Variants in BORCS8 observed in about 807,000 individuals in gnomAD.
The protein encoded by BORCS8 is BLOC-1 related complex subunit 8, also known as BLOC-1-related complex subunit 8.
In BORCS8, 13 loss-of-function variants were observed where a neutral mutation model predicts 18.7. The observed-to-expected ratio is 0.70, with a 90% CI of 0.45 to 1.11. The LOEUF is 1.11. Among genes scored for constraint, BORCS8 ranks in the 50% least tolerant of loss-of-function variants. The pLI is 0.00. For missense variants in BORCS8, 165 were observed against 165.7 expected, an observed-to-expected ratio of 1.00 and a Z score of 0.02; for synonymous variants, 68 against 64.8, an observed-to-expected ratio of 1.05 and a Z score of -0.24.
chr19:19,179,277 C>T (rs1768938398), intron 5 of BORCS8: 1 of 152,728 alleles, frequency 6.5e-6, no homozygotes, highest in Admixed American at 6.6e-5. Flanking sequence ...CCTCCTGCTT[C>T]AGGCCCCCTG....
chr19:19,181,211 G>A (rs2060346126), intron 4 of BORCS8, among the ~76,000 whole-genome samples: 2 of 147,432 alleles, frequency 1.4e-5, no homozygotes, highest in Non-Finnish European at 3.0e-5. Context: ...AAAAAAAAGG[G>A]ACAAATGGCT....
intron 3 of BORCS8, among the ~76,000 whole-genome samples, chr19:19,184,594 G>A (rs1445625298): frequency 2.6e-5 from 4 of 151,852 alleles, no homozygotes; most frequent in South Asian, 2.1e-4. Context: ...GAGCCACCGC[G>A]CCCGGTCTGT....
At chr19:19,180,798 G>A (rs1006829884) in intron 4 of BORCS8, 37 bp from the exon 5 acceptor site, 18 of 1,526,420 alleles carry the variant, frequency 1.2e-5, no homozygotes, top group Admixed American at 8.3e-5. Context: ...TGAGGCCAAG[G>A]TCAGAGGCCA....
intron 1 of BORCS8, among the ~76,000 whole-genome samples, chr19:19,191,582 T>TA: frequency 7.0e-6 from 1 of 142,188 alleles, no homozygotes; most frequent in African/African-American, 2.6e-5. Flanking sequence ...GGTTGTTGAG[T>TA]TTTTTTTTTT....
intron 1 of BORCS8, among the ~76,000 whole-genome samples, chr19:19,191,072 G>A (rs1171666666): frequency 1.3e-5 from 2 of 152,144 alleles, no homozygotes; most frequent in African/African-American, 4.8e-5. Context: ...TAGGGGATTA[G>A]CTGGGTGCAG....
chr19:19,191,973 G>A (rs1340744682), intron 1 of BORCS8, 108 bp downstream of exon 1: 13 of 1,307,018 alleles, frequency 9.9e-6, no homozygotes, highest in South Asian at 1.3e-5. Flanking sequence ...GGGATTGGAC[G>A]GCAGTTCAAT....
At chr19:19,183,557 G>A (rs188021083) in intron 3 of BORCS8, among the ~76,000 whole-genome samples, 6 of 152,206 alleles carry the variant, frequency 3.9e-5, no homozygotes, top group African/African-American at 1.2e-4. Context: ...TGTGGCTAGC[G>A]GGACTTGGGA....
Position 19,182,150 on chromosome 19 carries a change from G to T in BORCS8, c.326+423C>A. ...CACTCCCAGGGATCCCAGCCCCAGAGCGTCTGCCCTCACCACTGCCCCACA... is the reference window on the plus strand; with the variant it reads ...CACTCCCAGGGATCCCAGCCCCAGATCGTCTGCCCTCACCACTGCCCCACA... On this transcript the variant is annotated intron_variant, in intron 4 of 5. Coordinates refer to ENST00000462790, the MANE Select transcript of BORCS8 (RefSeq NM_001145784.2). The surrounding 1 kb of genome is among the most constrained non-coding windows in gnomAD (Gnocchi z 4.1). The T allele has an allele frequency of 1.5e-6, 1 of 657,334 alleles. No homozygotes were observed. Among genetic ancestry groups the T allele is most frequent in the Non-Finnish European group, 1.9e-6 (1 of 529,004 alleles). 40.7% of individuals were successfully genotyped at this position (657,334 alleles called of 1,614,324 possible). A position where few individuals can be genotyped will look rare whatever the true frequency, so the allele number is the denominator to read the frequency against.
intron 1 of BORCS8, among the ~76,000 whole-genome samples, chr19:19,187,488 A>G: frequency 6.6e-6 from 1 of 151,902 alleles, no homozygotes; most frequent in Admixed American, 6.6e-5. Context: ...AAAAAAAAAA[A>G]AGAGGACATT....
In BORCS8 at chr19:19,180,666, T is replaced by A. The variant is rs1433008531; in HGVS notation, c.*42+20A>T. On this transcript the variant is annotated intron_variant, in intron 5 of 5. Transcript: ENST00000462790. ...AGTTCAGAGCAGAGAGAGAGGCTCG[T>A]GGCTACCCTCGGCACTGACCTGGGT... 6.7e-7 allele frequency: 1 copy of A among 1,495,244 alleles called. No individual in the cohort carries two copies. Among genetic ancestry groups the A allele is most frequent in the Non-Finnish European group, 9.1e-7 (1 of 1,097,836 alleles). The allele number at this position is 1,495,244 out of a possible 1,614,324, so 92.6% of individuals were successfully genotyped here.
intron 5 of BORCS8, chr19:19,177,778 A>C (rs1388011550): frequency 1.1e-5 from 2 of 175,372 alleles, no homozygotes; most frequent in Non-Finnish European, 2.4e-5. Context: ...AGGGAGACCC[A>C]GAGAGGGCCA....
rs770119194 is a variant in BORCS8 at position 19,188,187 on chromosome 19, G to A, written c.38-1182C>T. Among the ~76,000 whole-genome samples the A allele has an allele frequency of 7.2e-5, 11 of 151,986 alleles. 1 individual carries two copies. Among genetic ancestry groups the A allele is most frequent in the South Asian group, 6.2e-4 (3 of 4,820 alleles). ...TGGGACTACAGGCACCCGCCACCACGCCCGGCTAACTTTTTGTATTTTTTA... is the reference window on the plus strand; with the variant it reads ...TGGGACTACAGGCACCCGCCACCACACCCGGCTAACTTTTTGTATTTTTTA... On this transcript the variant is annotated intron_variant, in intron 1 of 5. Transcript: ENST00000462790.
chr19:19,179,263 AG>A (rs1483601196), intron 5 of BORCS8: 2 of 152,558 alleles, frequency 1.3e-5, no homozygotes, highest in Non-Finnish European at 2.9e-5. Context: ...CCACTCAGGC[AG>A]CCCCTCCTGC....
rs2060361164 is a variant in BORCS8, at chr19:19,182,713, C to A, written c.216-30G>T. The A allele has an allele frequency of 1.3e-6, 2 of 1,537,966 alleles. No homozygotes were observed. Among genetic ancestry groups the A allele is most frequent in the Non-Finnish European group, 1.8e-6 (2 of 1,140,662 alleles). ...AACGGGAGGACAGGCCTGGTCAGCG[C>A]TCCGGACCTGCAGGTAACTGTCCCA... On this transcript the variant is annotated intron_variant, in intron 3 of 5. Transcript: ENST00000462790. This position sits in a 1 kb window ranked among gnomAD's most constrained non-coding sequence, Gnocchi z 4.1.
rs1334342025 is a variant in BORCS8, at chr19:19,187,024, G to T, written c.38-19C>A. ...TCCGTGACTAGATACAGGTGGTAGG[G>T]ATGGGGCGGGTGTGGGGAGACAAAG... is the stretch of plus-strand genomic sequence containing the variant. On this transcript the variant is annotated intron_variant, in intron 1 of 5. Transcript: ENST00000462790. The T allele has an allele frequency of 1.3e-6, 2 of 1,536,488 alleles. No individual in the cohort carries two copies. Among genetic ancestry groups the T allele is most frequent in the East Asian group, 4.9e-5 (2 of 40,732 alleles).
rs570593023 is a variant in BORCS8 at position 19,183,802 on chromosome 19, T to G, written c.216-1119A>C. Among the ~76,000 whole-genome samples the G allele has an allele frequency of 1.3e-4, 20 of 150,666 alleles. 1 individual carries two copies. In the South Asian group the frequency reaches 4.0e-3, roughly 30 times the overall value. On this transcript the variant is annotated intron_variant, in intron 3 of 5. Coordinates refer to ENST00000462790, the MANE Select transcript of BORCS8 (RefSeq NM_001145784.2). The stretch of plus-strand genomic sequence containing the variant: ...TCAGGCTGGTCTCAAACTCCTGACC[T>G]CAGGGGATCCTCCTGCCTCGGCCTC...
At chr19:19,187,432 T>C (rs1352991030) in intron 1 of BORCS8, among the ~76,000 whole-genome samples, 1 of 148,072 alleles carries the variant, frequency 6.8e-6, no homozygotes, top group Non-Finnish European at 1.5e-5. Flanking sequence ...GCTGACGTCA[T>C]GCCATTGCAC....
chr19:19,180,536 A>G, intron 5 of BORCS8, 150 bp downstream of exon 5: 1 of 652,702 alleles, frequency 1.5e-6, no homozygotes, highest in Non-Finnish European at 2.8e-6. Context: ...ACCTGCAGAC[A>G]CCCCTCCACC....
rs1182879394 is a variant in BORCS8, at chr19:19,184,822, ACT to A, written c.215+1210_215+1211del. On this transcript the variant is annotated intron_variant, in intron 3 of 5. Transcript: ENST00000462790. ...ACCAGGTTGCCCAGACTGGTCTCAA[ACT>A]CCTGGGCTGAAGTGATCCTCCCACC... Among the ~76,000 whole-genome samples, 8 of 149,068 alleles carry A rather than the reference ACT, an allele frequency of 5.4e-5. No homozygotes were observed. In the East Asian group the frequency reaches 1.6e-3, roughly 30 times the overall value.
Sources: gnomAD v4.1 joint callset for allele counts (sites outside exome capture counted in the v4.1 genomes callset) on GRCh38, gnomAD v4.1.1 for gene constraint, Gnocchi (gnomAD v3.1) non-coding constraint, MANE v1.5 for transcripts, NCBI Gene and HGNC (gene_info 2026-07-23, HGNC 2026-07-21) for gene names.